Variants in ADCY3 observed in about 807,000 individuals in gnomAD.
The protein encoded by ADCY3 is adenylate cyclase type 3.
In ADCY3, 70 loss-of-function variants were observed where a neutral mutation model predicts 119.4. That is an observed-to-expected ratio of 0.59 (90% CI 0.48 to 0.72). The LOEUF (loss-of-function observed/expected upper bound fraction) is 0.72, where lower values mean the gene tolerates loss of function less well. ADCY3 is among the 30% of genes least tolerant of loss of function. The probability of loss-of-function intolerance (pLI) is 0.00; values close to 1 mark genes in which losing one functional copy is unlikely to be tolerated. For synonymous variants in ADCY3, 672 were observed against 621.4 expected (o/e 1.08, Z -1.21); for missense variants, 1,238 against 1,541.6 (o/e 0.80, Z 3.30).
intron 2 of ADCY3, among the ~76,000 whole-genome samples, chr2:24,886,116 T>A (rs1434986175): frequency 2.6e-5 from 4 of 152,264 alleles, no homozygotes; most frequent in Non-Finnish European, 4.4e-5. Flanking sequence ...TCCACCTGTT[T>A]CAGTGTAAGT....
intron 12 of ADCY3, 132 bp downstream of exon 12, chr2:24,831,530 C>T (rs577820021): frequency 1.8e-4 from 134 of 740,554 alleles, no homozygotes; most frequent in Admixed American, 6.1e-4. Flanking sequence ...GGGCAAGTGC[C>T]TGGACCGTCC....
chr2:24,834,971 T>C lies in ADCY3; in HGVS notation c.1663-35A>G, dbSNP rs373221157. ...AGGGAGGCAGCGTGAGTGGGGCAGA[T>C]GGGACAGAGTGGTGGGGAAGAGCTG... On this transcript the variant is annotated intron_variant, in intron 9 of 21. Transcript: ENST00000679454. This position sits in a 1 kb window ranked among gnomAD's most constrained non-coding sequence, Gnocchi z 4.2. The C allele has an allele frequency of 6.2e-7, 1 of 1,600,548 alleles. No individual in the cohort carries two copies. The highest frequency in any genetic ancestry group is 8.5e-7 in the Non-Finnish European group (1 of 1,172,934).
intron 3 of ADCY3, among the ~76,000 whole-genome samples, chr2:24,870,600 C>T (rs1674873184): frequency 6.6e-6 from 1 of 152,214 alleles, no homozygotes; most frequent in African/African-American, 2.4e-5. Context: ...TCTGCCACTG[C>T]AGCGTGGGCA....
chr2:24,911,831 G>A (rs1663725245), intron 2 of ADCY3, among the ~76,000 whole-genome samples: 2 of 152,026 alleles, frequency 1.3e-5, no homozygotes, highest in South Asian at 4.1e-4. Flanking sequence ...TTCCAGGCAT[G>A]AGCTACTGGT....
chr2:24,888,847 G>C (rs1572999063), intron 2 of ADCY3, among the ~76,000 whole-genome samples: 1 of 152,144 alleles, frequency 6.6e-6, no homozygotes, highest in East Asian at 1.9e-4. Flanking sequence ...CGTCTCTACT[G>C]AAAATACAAA....
Position 24,819,828 on chromosome 2 carries a change from A to G in ADCY3, c.*104T>C. 1 of 1,252,690 alleles carries G rather than the reference A, an allele frequency of 8.0e-7. No individual in the cohort carries two copies. Among genetic ancestry groups the G allele is most frequent in the Non-Finnish European group, 1.1e-6 (1 of 910,614 alleles). The allele number at this position is 1,252,690 out of a possible 1,614,324, so 77.6% of individuals were successfully genotyped here. A position where few individuals can be genotyped will look rare whatever the true frequency, so the allele number is the denominator to read the frequency against. ...GAAGGCTGAGGAGGTTTCTAAACCT[A>G]AAGTCCATGAGTGTGCACTTCAATC... On this transcript the variant is annotated 3_prime_UTR_variant, in exon 22 of 22. Transcript: ENST00000679454.
chr2:24,823,885 G>A (rs750412248), intron 17 of ADCY3, among the ~76,000 whole-genome samples: 5 of 152,090 alleles, frequency 3.3e-5, no homozygotes, highest in Non-Finnish European at 5.9e-5. Flanking sequence ...TAGAGACAGG[G>A]TTTCACTATT....
chr2:24,912,295 T>C (rs1263370170), intron 2 of ADCY3, among the ~76,000 whole-genome samples: 1 of 146,448 alleles, frequency 6.8e-6, no homozygotes, highest in Non-Finnish European at 1.5e-5. Context: ...AAACTCTGTC[T>C]CTATTTGAAA....
At chr2:24,879,707 C>T (rs907485640) in intron 2 of ADCY3, among the ~76,000 whole-genome samples, 3 of 152,234 alleles carry the variant, frequency 2.0e-5, no homozygotes, top group Non-Finnish European at 2.9e-5. Flanking sequence ...AATAAGCTTC[C>T]GAGCCCCTAG....
chr2:24,827,793 A>T, intron 14 of ADCY3, 109 bp downstream of exon 14: 2 of 1,523,224 alleles, frequency 1.3e-6, no homozygotes, highest in Non-Finnish European at 1.8e-6. Flanking sequence ...GCCTTTGAGG[A>T]CCCCTAGTGG....
Position 24,842,656 on chromosome 2 carries a change from C to G in ADCY3, c.826-272G>C, listed in dbSNP as rs1671160455. On this transcript the variant is annotated intron_variant, in intron 3 of 21. Coordinates refer to ENST00000679454, the MANE Select transcript of ADCY3 (RefSeq NM_004036.5). This position sits in a 1 kb window ranked among gnomAD's most constrained non-coding sequence, Gnocchi z 4.9. ...TGAAGCATCCCAACGTGGCTCTGTG[C>G]TCAGCATCCTCGTGCCACAAGAAGC... 2.3e-6 allele frequency: 1 copy of G among 435,108 alleles called. No individual in the cohort carries two copies. The allele number at this position is 435,108 out of a possible 1,614,324, so 27.0% of individuals were successfully genotyped here.
chr2:24,854,690 ACAATGTAC>A (rs1447132822), intron 3 of ADCY3, among the ~76,000 whole-genome samples: 3 of 152,200 alleles, frequency 2.0e-5, no homozygotes, highest in Admixed American at 2.0e-4. Context: ...TGGGAGAGAC[ACAATGTAC>A]CAATGTTGCG....
rs934679329 is a variant in ADCY3 at position 24,919,713 on chromosome 2, G to C, written c.-228C>G. On this transcript the variant is annotated 5_prime_UTR_variant, in exon 1 of 22. Transcript: ENST00000679454. This position sits in a 1 kb window ranked among gnomAD's most constrained non-coding sequence, Gnocchi z 5.5. ...CGGGAACTCGGCCACCGCGTGCTCCGGGACGGTCCCCGCGCGGGCTGGGGC... is the reference window on the plus strand; with the variant it reads ...CGGGAACTCGGCCACCGCGTGCTCCCGGACGGTCCCCGCGCGGGCTGGGGC... The C allele has an allele frequency of 1.3e-5, 2 of 152,018 alleles. No individual in the cohort carries two copies. Among genetic ancestry groups the C allele is most frequent in the African/African-American group, 4.8e-5 (2 of 41,408 alleles). 9.4% of individuals were successfully genotyped at this position (152,018 alleles called of 1,614,324 possible). A position where few individuals can be genotyped will look rare whatever the true frequency, so the allele number is the denominator to read the frequency against.
At chr2:24,832,406 G>A (rs1669718715) in intron 11 of ADCY3, among the ~76,000 whole-genome samples, 1 of 152,100 alleles carries the variant, frequency 6.6e-6, no homozygotes, top group Non-Finnish European at 1.5e-5. Context: ...CGCTGCCGGG[G>A]GCTAAGAGTC....
intron 2 of ADCY3, among the ~76,000 whole-genome samples, chr2:24,913,333 A>G (rs1004157664): frequency 9.2e-5 from 14 of 152,082 alleles, no homozygotes; most frequent in Non-Finnish European, 1.3e-4. Flanking sequence ...TTTGCATCCA[A>G]TTCCCATGGG....
intron 3 of ADCY3, among the ~76,000 whole-genome samples, chr2:24,865,867 G>T (rs1007495360): frequency 1.3e-5 from 2 of 152,120 alleles, no homozygotes; most frequent in African/African-American, 4.8e-5. Flanking sequence ...TGAGCCCAAT[G>T]CACTCCACCA....
chr2:24,881,509 C>T (rs1676400195), intron 2 of ADCY3, among the ~76,000 whole-genome samples: 1 of 152,240 alleles, frequency 6.6e-6, no homozygotes, highest in African/African-American at 2.4e-5. Context: ...GACCCCCCTA[C>T]AGCATGAGGC....
At position 24,821,587 on chromosome 2, in the gene ADCY3, G is replaced by A. The variant is rs775993776; in HGVS notation, c.3057C>T (p.Phe1019=). Residue 1019 remains phenylalanine, a synonymous_variant, in exon 20 of 22, where the codon TTC becomes TTT. Coordinates refer to ENST00000679454, the MANE Select transcript of ADCY3 (RefSeq NM_004036.5). ...RWQHLADLAD[F]ALAMKDTLTN... The stretch of plus-strand genomic sequence containing the variant: ...TGAGCGTATCCTTCATGGCCAGCGC[G>A]AAGTCGGCCAGGTCAGCCAGGTGCT... The A allele has an allele frequency of 6.8e-6, 11 of 1,614,016 alleles. No individual in the cohort carries two copies. Among genetic ancestry groups the A allele is most frequent in the African/African-American group, 1.3e-5 (1 of 74,938 alleles).
At chr2:24,911,293 T>C (rs1475805829) in intron 2 of ADCY3, among the ~76,000 whole-genome samples, 1 of 139,402 alleles carries the variant, frequency 7.2e-6, no homozygotes, top group African/African-American at 2.8e-5. Context: ...TGATCAGAGC[T>C]CACTGTAACT....
Sources: allele counts gnomAD v4.1 joint callset (sites outside exome capture counted in the v4.1 genomes callset), GRCh38; gene constraint gnomAD v4.1.1; non-coding constraint Gnocchi (gnomAD v3.1); transcripts MANE v1.5; gene names NCBI Gene and HGNC (gene_info 2026-07-23, HGNC 2026-07-21).